The following NALCN variants were observed in gnomAD, a reference collection of about 807,000 sequenced individuals.
NALCN encodes sodium leak channel NALCN.
A neutral mutation model predicts 225.3 loss-of-function variants in NALCN; 111 were observed. That is an observed-to-expected ratio of 0.49 (90% CI 0.42 to 0.58). The LOEUF (loss-of-function observed/expected upper bound fraction) is 0.58, where lower values mean the gene tolerates loss of function less well. Among genes scored for constraint, NALCN ranks in the 20% least tolerant of loss-of-function variants. The pLI is 0.00. For missense variants in NALCN, 1,378 were observed against 2,202.4 expected, an observed-to-expected ratio of 0.63 and a Z score of 7.49; for synonymous variants, 764 against 769.0, an observed-to-expected ratio of 0.99 and a Z score of 0.11.
At chr13:101,066,856 A>T (rs2032433936) in intron 39 of NALCN, among the ~76,000 whole-genome samples, 1 of 151,630 alleles carries the variant, frequency 6.6e-6, no homozygotes, top group Non-Finnish European at 1.5e-5. Flanking sequence ...CTATTTCCAG[A>T]TCTCGCCCCA....
At chr13:101,203,465 C>T (rs1480271780) in intron 13 of NALCN, among the ~76,000 whole-genome samples, 1 of 152,170 alleles carries the variant, frequency 6.6e-6, no homozygotes, top group Non-Finnish European at 1.5e-5. Flanking sequence ...GATCCACCCA[C>T]CTCAGCTTCC....
intron 13 of NALCN, 143 bp from the exon 14 acceptor site, chr13:101,192,197 T>C (rs1313047004): frequency 3.8e-6 from 3 of 781,998 alleles, no homozygotes; most frequent in African/African-American, 1.9e-5. Flanking sequence ...ATTCAACACA[T>C]AGGAAAGATA....
Position 101,089,506 on chromosome 13 carries a change from G to A in NALCN, c.3489+157C>T, listed in dbSNP as rs575386696. Among the ~76,000 whole-genome samples, 1 of 152,314 alleles carries A rather than the reference G, an allele frequency of 6.6e-6. No individual in the cohort carries two copies. Among genetic ancestry groups the A allele is most frequent in the South Asian group, 2.1e-4 (1 of 4,824 alleles). On this transcript the variant is annotated intron_variant, in intron 30 of 43. Transcript: ENST00000251127. The surrounding 1 kb of genome is among the most constrained non-coding windows in gnomAD (Gnocchi z 4.7). ...TCTTAAATAATGTGTCTGAAAAGCA[G>A]CAATGAGGGAGCTTGTAAAACAGTT...
chr13:101,192,025 G>A lies in NALCN; in HGVS notation c.1656C>T (p.Thr552=). ...CCATTACGTCCACCCATCCTTCCTG[G>A]GTGAGGATCTGGAACATGGACATAA... ...RAFMSMFQIL[T]QEGWVDVMDQ... is the part of the protein sequence containing the mutation. Residue 552 remains threonine (T), a synonymous_variant, in exon 14 of 44, where the codon ACC becomes ACT. Transcript: ENST00000251127. The A allele has an allele frequency of 6.3e-7, 1 of 1,597,982 alleles. No homozygotes were observed. Among genetic ancestry groups the A allele is most frequent in the Non-Finnish European group, 8.5e-7 (1 of 1,175,062 alleles).
intron 11 of NALCN, among the ~76,000 whole-genome samples, chr13:101,244,170 A>G (rs2041823731): frequency 9.2e-6 from 1 of 108,510 alleles, no homozygotes; most frequent in Non-Finnish European, 2.1e-5. Context: ...TGAGATTTTC[A>G]TTCCAAAAAA....
At chr13:101,266,873 T>C (rs1174161047) in intron 10 of NALCN, among the ~76,000 whole-genome samples, 2 of 152,258 alleles carry the variant, frequency 1.3e-5, no homozygotes, top group Non-Finnish European at 2.9e-5. Context: ...ACTATCAATG[T>C]ACACAATTAT....
chr13:101,085,811 C>G (rs1195238604), intron 30 of NALCN, among the ~76,000 whole-genome samples: 1 of 152,088 alleles, frequency 6.6e-6, no homozygotes, highest in African/African-American at 2.4e-5. Flanking sequence ...TTTAATTCAT[C>G]TGGAATTCAT....
In NALCN at chr13:101,386,374, TGAA is replaced by T. The variant is rs747733558; in HGVS notation, c.292-7724_292-7722del. ...TATGTGCTAAGTCTGTCCCACAGAG[TGAA>T]CCAGGTTTTCTCTGAGGACAGGAGC... On this transcript the variant is annotated intron_variant, in intron 3 of 43. Coordinates refer to ENST00000251127, the MANE Select transcript of NALCN (RefSeq NM_052867.4). Among the ~76,000 whole-genome samples, 440 of 152,214 alleles carry T rather than the reference TGAA, an allele frequency of 2.9e-3. 2 individuals are homozygous for T. Among genetic ancestry groups the T allele is most frequent in the Middle Eastern group, 6.8e-3 (2 of 294 alleles).
intron 25 of NALCN, among the ~76,000 whole-genome samples, 154 bp from the exon 26 acceptor site, chr13:101,103,493 T>C (rs1319690286): frequency 6.6e-6 from 1 of 152,176 alleles, no homozygotes; most frequent in Non-Finnish European, 1.5e-5. Flanking sequence ...AAACCTCATC[T>C]AGACTTGCTA....
chr13:101,112,572 C>G (rs886686807), intron 18 of NALCN, among the ~76,000 whole-genome samples: 1 of 152,162 alleles, frequency 6.6e-6, no homozygotes, highest in Non-Finnish European at 1.5e-5. Flanking sequence ...GATCTTTGGG[C>G]CTAACTTCCT....
At chr13:101,264,657 T>C (rs577767152) in intron 10 of NALCN, among the ~76,000 whole-genome samples, 80 of 152,298 alleles carry the variant, frequency 5.3e-4, no homozygotes, top group Admixed American at 7.2e-4. Context: ...TACTCCTTAA[T>C]AGCAGGCTGC....
In NALCN at chr13:101,303,566, T is replaced by C. The variant is rs73560796; in HGVS notation, c.800-11200A>G. On this transcript the variant is annotated intron_variant, in intron 7 of 43. Coordinates refer to ENST00000251127, the MANE Select transcript of NALCN (RefSeq NM_052867.4). ...CAACTAACTGCAAGGCAACATTAGATACAGACAACATACTTAGAATAGTGG... is the reference window on the plus strand; with the variant it reads ...CAACTAACTGCAAGGCAACATTAGACACAGACAACATACTTAGAATAGTGG... Among the ~76,000 whole-genome samples the C allele has an allele frequency of 4.8e-3, 731 of 152,258 alleles. 7 individuals carry two copies. The highest frequency in any genetic ancestry group is 0.017 in the African/African-American group (687 of 41,550).
intron 34 of NALCN, among the ~76,000 whole-genome samples, chr13:101,080,142 G>C (rs1183717113): frequency 6.6e-6 from 1 of 151,952 alleles, no homozygotes; most frequent in Admixed American, 6.6e-5. Context: ...AAGTTATATT[G>C]GCCATTCAGA....
At chr13:101,092,348 A>G (rs2034277894) in intron 28 of NALCN, among the ~76,000 whole-genome samples, 1 of 152,192 alleles carries the variant, frequency 6.6e-6, no homozygotes, top group Non-Finnish European at 1.5e-5. Context: ...GCAGAAAAAG[A>G]CTTTGTCCAA....
At chr13:101,253,630 C>T (rs961293746) in intron 11 of NALCN, among the ~76,000 whole-genome samples, 1 of 152,008 alleles carries the variant, frequency 6.6e-6, no homozygotes, top group Non-Finnish European at 1.5e-5. Context: ...GACTTTAACA[C>T]AAAATGTTAT....
chr13:101,220,012 A>T (rs2040876611), intron 13 of NALCN, among the ~76,000 whole-genome samples: 1 of 152,196 alleles, frequency 6.6e-6, no homozygotes, highest in South Asian at 2.1e-4. Flanking sequence ...CCTGGTAAAT[A>T]GTGCTGAAGC....
intron 13 of NALCN, 150 bp downstream of exon 13, chr13:101,229,243 G>T: frequency 1.4e-6 from 1 of 737,084 alleles, no homozygotes; most frequent in Non-Finnish European, 2.0e-6. Flanking sequence ...CTGCAGAAGA[G>T]ACAATTTTAA....
intron 18 of NALCN, among the ~76,000 whole-genome samples, chr13:101,120,719 G>A (rs557134781): frequency 3.3e-5 from 5 of 152,246 alleles, no homozygotes; most frequent in Admixed American, 6.5e-5. Flanking sequence ...GGGCAAACTC[G>A]CTGTAAAGAA....
intron 7 of NALCN, among the ~76,000 whole-genome samples, chr13:101,325,859 A>T (rs2044933346): frequency 6.6e-6 from 1 of 152,192 alleles, no homozygotes; most frequent in Non-Finnish European, 1.5e-5. Flanking sequence ...TAATGTTACC[A>T]ACACCAAGAA....
Sources: allele counts gnomAD v4.1 joint callset (sites outside exome capture counted in the v4.1 genomes callset), GRCh38; gene constraint gnomAD v4.1.1; non-coding constraint Gnocchi (gnomAD v3.1); transcripts MANE v1.5; gene names NCBI Gene and HGNC (gene_info 2026-07-23, HGNC 2026-07-21).